AFAP1L2: variants seen among roughly 807,000 people sequenced by gnomAD.
The protein encoded by AFAP1L2 is actin filament associated protein 1 like 2.
Under a neutral mutation model 99.3 loss-of-function variants are expected in AFAP1L2, and 46 were observed. That is an observed-to-expected ratio of 0.46 (90% confidence interval 0.37 to 0.59). The LOEUF is 0.59. AFAP1L2 is among the 20% of genes least tolerant of loss of function. The pLI is 0.00. For synonymous variants in AFAP1L2, 397 were observed against 419.1 expected (o/e 0.95, Z 0.64); for missense variants, 959 against 1,034.9 (o/e 0.93, Z 1.01).
At chr10:114,307,005 G>T (rs1335991785) in intron 10 of AFAP1L2, among the ~76,000 whole-genome samples, 1 of 152,114 alleles carries the variant, frequency 6.6e-6, no homozygotes, top group East Asian at 1.9e-4. Context: ...CCCAGAGATG[G>T]GACAATAATG....
At chr10:114,321,618 T>C (rs1362651410) in intron 5 of AFAP1L2, among the ~76,000 whole-genome samples, 1 of 152,134 alleles carries the variant, frequency 6.6e-6, no homozygotes, top group Non-Finnish European at 1.5e-5. Flanking sequence ...GCCTTTTATA[T>C]CTGCTGATTG....
chr10:114,339,309 CA>C (rs1488743503), intron 2 of AFAP1L2, among the ~76,000 whole-genome samples: 5 of 152,058 alleles, frequency 3.3e-5, no homozygotes, highest in Non-Finnish European at 7.4e-5. Context: ...TAGCCGGGCG[CA>C]GTGGCGGGCG....
chr10:114,336,974 G>C (rs2048067366), intron 2 of AFAP1L2, among the ~76,000 whole-genome samples: 1 of 152,248 alleles, frequency 6.6e-6, no homozygotes, highest in African/African-American at 2.4e-5. Context: ...GGAAGTCCCA[G>C]AAGCTCAGCC....
At chr10:114,337,364 C>A (rs1313792513) in intron 2 of AFAP1L2, among the ~76,000 whole-genome samples, 3 of 152,212 alleles carry the variant, frequency 2.0e-5, no homozygotes, top group East Asian at 1.9e-4. Flanking sequence ...ACAGAAAGTA[C>A]ACAATAAATG....
At chr10:114,301,621 C>A (rs1164234009) in intron 12 of AFAP1L2, 156 bp from the exon 13 acceptor site, 2 of 599,948 alleles carry the variant, frequency 3.3e-6, no homozygotes, top group Non-Finnish European at 6.0e-6. Context: ...TCTGAGGGCA[C>A]CTCCTCCCTC....
In AFAP1L2 at chr10:114,340,594, C is replaced by A. The variant is rs779196403; in HGVS notation, c.145+9G>T. On this transcript the variant is annotated intron_variant, in intron 2 of 18. Coordinates refer to ENST00000304129, the MANE Select transcript of AFAP1L2 (RefSeq NM_001001936.3). ...GGAGGCCTCTGCACCACCCAGGGCC[C>A]ACACTCACTGCTGCTTTTGGTGTAA... 1.9e-5 allele frequency: 30 copies of A among 1,613,408 alleles called. No homozygotes were observed. Among genetic ancestry groups the A allele is most frequent in the Non-Finnish European group, 2.5e-5 (30 of 1,179,606 alleles).
At chr10:114,405,145 A>C (rs1391667036), upstream of AFAP1L2, among the ~76,000 whole-genome samples, 2 of 152,064 alleles carry the variant, frequency 1.3e-5, no homozygotes, top group Admixed American at 6.5e-5. Context: ...GCTGCTTTCT[A>C]CCTGAATTTC....
At position 114,300,564 on chromosome 10, in the gene AFAP1L2, C is replaced by G; in HGVS notation, c.1669G>C (p.Ala557Pro). ...LHGPSSAQAQ[A>P]SSPTLSCLDN... ...AGGCAGGACAACGTCGGGGAGGAGGCCTGGGCCTGTGCACTGCTGGGGCCA... is the reference window on the plus strand; with the variant it reads ...AGGCAGGACAACGTCGGGGAGGAGGGCTGGGCCTGTGCACTGCTGGGGCCA... The change falls in exon 14 of 19, where the codon GCC (alanine) becomes CCC (proline). Residue 557 changes from alanine to proline, a missense_variant. Physicochemically the swap from Ala to Pro is conservative, Grantham distance 27. Around this residue, in one of 2 missense-constraint regions of AFAP1L2, gnomAD observed 576 missense variants for 562.1 expected, o/e 1.02. Coordinates refer to ENST00000304129, the MANE Select transcript of AFAP1L2 (RefSeq NM_001001936.3). 1 of 1,614,168 alleles carries G rather than the reference C, an allele frequency of 6.2e-7. No individual in the cohort carries two copies. Among genetic ancestry groups the G allele is most frequent in the Non-Finnish European group, 8.5e-7 (1 of 1,180,028 alleles).
chr10:114,300,212 A>G lies in AFAP1L2; in HGVS notation c.1939T>C (p.Leu647=), dbSNP rs760185027. ...PGASPPVKDR[L]RVTSAEIKLG... is the part of the protein sequence containing the mutation. ...CAAGTACCTGCACTGGTCACGCGCAACCTGTCCTTCACAGGTGGGCTGGCA... is the reference window on the plus strand; with the variant it reads ...CAAGTACCTGCACTGGTCACGCGCAGCCTGTCCTTCACAGGTGGGCTGGCA... The change falls in exon 15 of 19, where the codon TTG becomes CTG. Residue 647 remains leucine (L), a synonymous_variant. Coordinates refer to ENST00000304129, the MANE Select transcript of AFAP1L2 (RefSeq NM_001001936.3). The G allele has an allele frequency of 2.5e-6, 4 of 1,614,064 alleles. No homozygotes were observed. The African/African-American group carries it at 5.3e-5, about 22-fold the overall frequency.
At chr10:114,351,367 G>A (rs980395069) in intron 1 of AFAP1L2, among the ~76,000 whole-genome samples, 1 of 152,154 alleles carries the variant, frequency 6.6e-6, no homozygotes, top group African/African-American at 2.4e-5. Context: ...AGAGAAAAAA[G>A]ACATATTAAA....
intron 1 of AFAP1L2, among the ~76,000 whole-genome samples, chr10:114,361,253 C>T (rs139139775): frequency 1.3e-5 from 2 of 152,272 alleles, no homozygotes; most frequent in African/African-American, 4.8e-5. Flanking sequence ...ACAGCCAAAC[C>T]ATATCACCCC....
At chr10:114,340,553 C>G (rs1239588033) in intron 2 of AFAP1L2, 50 bp downstream of exon 2, 1 of 1,577,468 alleles carries the variant, frequency 6.3e-7, no homozygotes, top group African/African-American at 1.4e-5. Flanking sequence ...TGACTCACAA[C>G]CATCTCTTTT....
At chr10:114,385,203 T>C (rs2056337957) in intron 1 of AFAP1L2, among the ~76,000 whole-genome samples, 1 of 151,976 alleles carries the variant, frequency 6.6e-6, no homozygotes, top group South Asian at 2.1e-4. Context: ...GGACAGGACA[T>C]GGAGACAGGA....
In AFAP1L2 at chr10:114,308,268, A is replaced by G. The variant is rs78699433; in HGVS notation, c.967+165T>C. Among the ~76,000 whole-genome samples, 79 of 152,360 alleles carry G rather than the reference A, an allele frequency of 5.2e-4. No homozygotes were observed. In the East Asian group the frequency reaches 0.015, roughly 29 times the overall value. The stretch of plus-strand genomic sequence containing the variant: ...CAGCATTTCATGAAGCTTAACTTCA[A>G]TTTGGCCGAGTCTCCCTTTTTCCTG... On this transcript the variant is annotated intron_variant, in intron 9 of 18. Coordinates refer to ENST00000304129, the MANE Select transcript of AFAP1L2 (RefSeq NM_001001936.3).
Position 114,301,513 on chromosome 10 carries a change from G to A in AFAP1L2, c.1431-48C>T, listed in dbSNP as rs745731192. Reference sequence around the variant, plus strand: ...CACATGAAGCAGCCGGGGCAGGGTGGTGAAAGCACCAGACTCCAAGGATTC... The same window carrying A: ...CACATGAAGCAGCCGGGGCAGGGTGATGAAAGCACCAGACTCCAAGGATTC... On this transcript the variant is annotated intron_variant, in intron 12 of 18. Transcript: ENST00000304129. 3.6e-6 allele frequency: 5 copies of A among 1,395,578 alleles called. No homozygotes were observed. The African/African-American group carries it at 7.1e-5, about 20-fold the overall frequency. 86.4% of individuals were successfully genotyped at this position (1,395,578 alleles called of 1,614,324 possible). A position where few individuals can be genotyped will look rare whatever the true frequency, so the allele number is the denominator to read the frequency against.
chr10:114,328,851 G>A (rs1022847199), intron 4 of AFAP1L2, among the ~76,000 whole-genome samples: 9 of 152,186 alleles, frequency 5.9e-5, no homozygotes, highest in East Asian at 1.9e-4. Flanking sequence ...GAGAGTGCCC[G>A]GTGAACACCA....
chr10:114,306,892 G>A (rs2042539339), intron 10 of AFAP1L2, among the ~76,000 whole-genome samples: 1 of 152,132 alleles, frequency 6.6e-6, no homozygotes, highest in South Asian at 2.1e-4. Context: ...CTGGCACCCT[G>A]GCTGGAGAAG....
intron 1 of AFAP1L2, among the ~76,000 whole-genome samples, chr10:114,373,240 CA>C (rs1446722067): frequency 6.6e-6 from 1 of 152,086 alleles, no homozygotes; most frequent in Non-Finnish European, 1.5e-5. Context: ...GACCCTGTCT[CA>C]AATTTTTAAA....
intron 4 of AFAP1L2, among the ~76,000 whole-genome samples, chr10:114,330,204 C>T (rs2047029169): frequency 6.6e-6 from 1 of 152,166 alleles, no homozygotes; most frequent in Non-Finnish European, 1.5e-5. Flanking sequence ...TGGCCCCTTC[C>T]CCCCAGGAAG....
Sources: allele counts gnomAD v4.1 joint callset (sites outside exome capture counted in the v4.1 genomes callset), GRCh38; gene constraint gnomAD v4.1.1; regional missense constraint gnomAD v4.1.1; transcripts MANE v1.5; gene names NCBI Gene and HGNC (gene_info 2026-07-23, HGNC 2026-07-21).